The following THADA variants were observed in gnomAD, a reference collection of about 807,000 sequenced individuals.
THADA encodes the protein THADA armadillo repeat containing.
A neutral mutation model predicts 219.8 loss-of-function variants in THADA; 213 were observed. That is an observed-to-expected ratio of 0.97 (90% CI 0.87 to 1.09). The LOEUF is 1.09. Among genes scored for constraint, THADA ranks in the 50% least tolerant of loss-of-function variants. The pLI, the probability that THADA is intolerant of heterozygous loss-of-function variation, is 0.00. For missense variants in THADA, 2,956 were observed against 2,311.3 expected (o/e 1.28, Z -5.72); for synonymous variants, 1,018 against 828.9 (o/e 1.23, Z -3.92).
intron 22 of THADA, among the ~76,000 whole-genome samples, chr2:43,511,589 T>C (rs981890289): frequency 6.6e-6 from 1 of 152,160 alleles, no homozygotes; most frequent in African/African-American, 2.4e-5. Flanking sequence ...CTTTTCCAAG[T>C]TCCTACACAA....
chr2:43,319,488 G>C (rs1238318542), intron 31 of THADA, among the ~76,000 whole-genome samples: 1 of 152,100 alleles, frequency 6.6e-6, no homozygotes, highest in African/African-American at 2.4e-5. Flanking sequence ...ATCGATCTGG[G>C]TGAGACGGTT....
chr2:43,406,042 T>G (rs936535582), intron 28 of THADA, among the ~76,000 whole-genome samples: 1 of 152,200 alleles, frequency 6.6e-6, no homozygotes, highest in East Asian at 1.9e-4. Context: ...CACAGGCTAT[T>G]AATTCCAGGC....
Position 43,428,248 on chromosome 2 carries a change from T to A in THADA, c.3927-17A>T. On this transcript the variant is annotated splice_polypyrimidine_tract_variant and intron_variant, in intron 27 of 37. Transcript: ENST00000405975. Reference sequence around the variant, plus strand: ...CCCATATCACTGAAACAACAATTATTACACATGAAAGATTTCACATTTAGG... The same window carrying A: ...CCCATATCACTGAAACAACAATTATAACACATGAAAGATTTCACATTTAGG... The A allele has an allele frequency of 6.3e-7, 1 of 1,577,184 alleles. No homozygotes were observed. The highest frequency in any genetic ancestry group is 8.6e-7 in the Non-Finnish European group (1 of 1,158,748).
Position 43,448,560 on chromosome 2 carries a change from CTTTTT to C in THADA, c.3837-18263_3837-18259del, listed in dbSNP as rs71410179. Among the ~76,000 whole-genome samples, 35 of 103,614 alleles carry C rather than the reference CTTTTT, an allele frequency of 3.4e-4. No individual in the cohort carries two copies. The East Asian group carries it at 7.1e-3, about 21-fold the overall frequency. The allele number at this position is 103,614 out of a possible 152,430, so 68.0% of individuals were successfully genotyped here. A position where few individuals can be genotyped will look rare whatever the true frequency, so the allele number is the denominator to read the frequency against. On this transcript the variant is annotated intron_variant, in intron 26 of 37. Coordinates refer to ENST00000405975, the MANE Select transcript of THADA (RefSeq NM_022065.5). ...AAGGGCAATTCACTTTTCTTCCTTT[CTTTTT>C]TTTTTTTTTTTTTTGCTTTTATTTT...
chr2:43,232,918 C>T, intron 36 of THADA, 36 bp from the exon 37 acceptor site: 1 of 1,570,018 alleles, frequency 6.4e-7, no homozygotes, highest in Non-Finnish European at 8.7e-7. Flanking sequence ...AATGAATATA[C>T]TGCTCAGGGC....
chr2:43,398,525 T>C (rs1558696758), intron 28 of THADA, among the ~76,000 whole-genome samples: 1 of 152,186 alleles, frequency 6.6e-6, no homozygotes, highest in Non-Finnish European at 1.5e-5. Flanking sequence ...ATACTTTGGT[T>C]GGCCAGAGGA....
In THADA at chr2:43,343,838, C is replaced by T. The variant is rs569407338; in HGVS notation, c.4343+284G>A. 6 of 309,852 alleles carry T rather than the reference C, an allele frequency of 1.9e-5. No homozygotes were observed. In the South Asian group the frequency reaches 2.2e-4, roughly 11 times the overall value. 19.2% of individuals were successfully genotyped at this position (309,852 alleles called of 1,614,324 possible). On this transcript the variant is annotated intron_variant, in intron 30 of 37. Coordinates refer to ENST00000405975, the MANE Select transcript of THADA (RefSeq NM_022065.5). ...TGCCTTTCATTGTTATAATATCTAA[C>T]ACAGGACTGGGCACGCAGCAGGTTT...
intron 32 of THADA, among the ~76,000 whole-genome samples, chr2:43,292,513 C>A (rs1674852098): frequency 6.6e-6 from 1 of 152,180 alleles, no homozygotes; most frequent in Admixed American, 6.5e-5. Flanking sequence ...ATAGCCATGT[C>A]AGCAAAGACT....
chr2:43,418,746 A>C (rs1008736076), intron 28 of THADA, among the ~76,000 whole-genome samples: 1 of 151,808 alleles, frequency 6.6e-6, no homozygotes, highest in Non-Finnish European at 1.5e-5. Context: ...AGGTATACCA[A>C]TGTTTGAGAG....
chr2:43,356,019 T>C (rs1487422186), intron 29 of THADA, among the ~76,000 whole-genome samples: 2 of 152,150 alleles, frequency 1.3e-5, no homozygotes, highest in Non-Finnish European at 2.9e-5. Flanking sequence ...GAGCTTATGA[T>C]GTAGTGCAGA....
At chr2:43,430,847 T>C (rs1223708273) in intron 26 of THADA, among the ~76,000 whole-genome samples, 1 of 152,178 alleles carries the variant, frequency 6.6e-6, no homozygotes, top group African/African-American at 2.4e-5. Flanking sequence ...ACAATGAAAA[T>C]GTCTTTAGAC....
chr2:43,425,969 G>A (rs1678375886), intron 28 of THADA, among the ~76,000 whole-genome samples: 1 of 152,160 alleles, frequency 6.6e-6, no homozygotes, highest in Non-Finnish European at 1.5e-5. Context: ...TGTTGGTGAT[G>A]TTCTATGAAT....
intron 26 of THADA, among the ~76,000 whole-genome samples, chr2:43,446,310 C>G (rs1409938223): frequency 6.6e-6 from 1 of 152,202 alleles, no homozygotes; most frequent in Non-Finnish European, 1.5e-5. Flanking sequence ...AGAAGTGGGT[C>G]TATTTCCCGT....
chr2:43,514,679 T>TATTATTTAA (rs1437065841), intron 22 of THADA, among the ~76,000 whole-genome samples: 26 of 78,036 alleles, frequency 3.3e-4, no homozygotes, highest in African/African-American at 8.2e-4. Context: ...ATATAATATA[T>TATTATTTAA]TATATTATAT....
At chr2:43,422,732 TG>T (rs1285815742) in intron 28 of THADA, among the ~76,000 whole-genome samples, 1 of 152,192 alleles carries the variant, frequency 6.6e-6, no homozygotes. Context: ...AAGGCTTTTT[TG>T]GGGGACAGGG....
chr2:43,523,575 T>A (rs992538638), intron 22 of THADA, among the ~76,000 whole-genome samples: 22 of 152,172 alleles, frequency 1.4e-4, no homozygotes, highest in Admixed American at 1.4e-3. Flanking sequence ...CATCAAAAGT[T>A]TTCTGTTGAA....
At chr2:43,392,626 ACTGTTCCCATCACGTAAAGATT>A (rs1673526179) in intron 29 of THADA, among the ~76,000 whole-genome samples, 1 of 152,006 alleles carries the variant, frequency 6.6e-6, no homozygotes, top group South Asian at 2.1e-4. Flanking sequence ...GCCCAACACT[ACTGTTCCCATCACGTAAAGATT>A]CTGGCTCTAC....
chr2:43,376,657 G>A (rs1039423351), intron 29 of THADA, among the ~76,000 whole-genome samples: 14 of 152,196 alleles, frequency 9.2e-5, no homozygotes, highest in African/African-American at 2.9e-4. Context: ...TGTCAGTAAT[G>A]ACTGACATTC....
intron 15 of THADA, chr2:43,563,756 T>C (rs1440289315): frequency 6.6e-6 from 1 of 152,186 alleles, no homozygotes; most frequent in Non-Finnish European, 1.5e-5. Flanking sequence ...CAGAAACCAT[T>C]TGACTAATCT....
Sources: allele counts gnomAD v4.1 joint callset (sites outside exome capture counted in the v4.1 genomes callset), GRCh38; gene constraint gnomAD v4.1.1; transcripts MANE v1.5; gene names NCBI Gene and HGNC (gene_info 2026-07-23, HGNC 2026-07-21).